The following TYW1B variants were observed in gnomAD, a reference collection of about 807,000 sequenced individuals.
TYW1B encodes the protein tRNA-yW synthesizing protein 1 homolog B.
In TYW1B, 73 loss-of-function variants were observed where a neutral mutation model predicts 86.9. That is an observed-to-expected ratio of 0.84 (90% CI 0.70 to 1.02). The LOEUF (loss-of-function observed/expected upper bound fraction) is 1.02, where lower values mean the gene tolerates loss of function less well. Among genes scored for constraint, TYW1B ranks in the 50% least tolerant of loss-of-function variants. The pLI, the probability that TYW1B is intolerant of heterozygous loss-of-function variation, is 0.00. For missense variants in TYW1B, 637 were observed against 827.4 expected, an observed-to-expected ratio of 0.77 and a Z score of 2.82; for synonymous variants, 248 against 292.8, an observed-to-expected ratio of 0.85 and a Z score of 1.56.
At chr7:72,597,772 AC>A (rs1554432903) in intron 13 of TYW1B, among the ~76,000 whole-genome samples, 1 of 152,196 alleles carries the variant, frequency 6.6e-6, no homozygotes, top group South Asian at 2.1e-4. Flanking sequence ...AATACACATT[AC>A]AAAAAATGAT....
intron 6 of TYW1B, among the ~76,000 whole-genome samples, chr7:72,800,707 CAA>C (rs60686482): frequency 0.56 from 71,181 of 127,674 alleles, 20,465 homozygotes; most frequent in Middle Eastern, 0.67. Context: ...CTCGAAAAGT[CAA>C]AAAAAAAAAA....
chr7:72,761,336 T>G (rs950165215), intron 7 of TYW1B, among the ~76,000 whole-genome samples: 7 of 152,126 alleles, frequency 4.6e-5, no homozygotes, highest in Non-Finnish European at 1.0e-4. Flanking sequence ...AGTTAAAAAT[T>G]CTAATGAATA....
At chr7:72,697,872 T>C (rs1554451774) in intron 10 of TYW1B, 1 of 152,890 alleles carries the variant, frequency 6.5e-6, no homozygotes, top group Non-Finnish European at 1.5e-5. Context: ...AATGTGCTGA[T>C]GAACATAAAA....
chr7:72,697,031 T>TAA lies in TYW1B; in HGVS notation c.1371-2211_1371-2210dup, dbSNP rs781801843. Among the ~76,000 whole-genome samples, 226 of 137,838 alleles carry TAA rather than the reference T, an allele frequency of 1.6e-3. 11 individuals carry two copies. The highest frequency in any genetic ancestry group is 0.013 in the East Asian group (44 of 3,460). 90.4% of individuals were successfully genotyped at this position (137,838 alleles called of 152,430 possible). A position where few individuals can be genotyped will look rare whatever the true frequency, so the allele number is the denominator to read the frequency against. ...ATGCTTCCTTAACTGGATTTCTACT[T>TAA]AAAAAAAAAAAAAAAAAAAAAAAAA... On this transcript the variant is annotated intron_variant, in intron 10 of 13. Coordinates refer to ENST00000620995, the MANE Select transcript of TYW1B (RefSeq NM_001145440.3).
At chr7:72,737,009 C>T (rs1787207738) in intron 8 of TYW1B, among the ~76,000 whole-genome samples, 1 of 152,126 alleles carries the variant, frequency 6.6e-6, no homozygotes, top group African/African-American at 2.4e-5. Flanking sequence ...GCCTGGGTGA[C>T]AGAGCGAGAC....
At chr7:72,769,348 T>C (rs1787828024) in intron 7 of TYW1B, among the ~76,000 whole-genome samples, 1 of 152,208 alleles carries the variant, frequency 6.6e-6, no homozygotes, top group African/African-American at 2.4e-5. Flanking sequence ...CTGTAGACTA[T>C]AAGCTGACAT....
At chr7:72,688,859 GA>G (rs1302344407) in intron 11 of TYW1B, among the ~76,000 whole-genome samples, 1 of 152,152 alleles carries the variant, frequency 6.6e-6, no homozygotes, top group African/African-American at 2.4e-5. Context: ...GGTCTGGAGG[GA>G]ACCAGTTTAC....
chr7:72,810,420 G>A, intron 4 of TYW1B, 51 bp downstream of exon 4: 2 of 1,562,592 alleles, frequency 1.3e-6, no homozygotes, highest in Non-Finnish European at 1.7e-6. Flanking sequence ...GTGTGCGTGT[G>A]TGTGTGTGTT....
intron 13 of TYW1B, among the ~76,000 whole-genome samples, chr7:72,600,463 C>T (rs1811638837): frequency 6.6e-6 from 1 of 151,912 alleles, no homozygotes; most frequent in African/African-American, 2.4e-5. Context: ...TTTAGATACA[C>T]CATCAAAAGT....
intron 7 of TYW1B, among the ~76,000 whole-genome samples, chr7:72,756,973 T>A (rs371645639): frequency 6.6e-6 from 1 of 151,984 alleles, no homozygotes; most frequent in East Asian, 1.9e-4. Flanking sequence ...ATCAAAAAAA[T>A]GAACAATAAC....
intron 8 of TYW1B, among the ~76,000 whole-genome samples, chr7:72,738,021 G>A (rs1403476456): frequency 2.0e-5 from 3 of 151,298 alleles, no homozygotes; most frequent in Non-Finnish European, 4.4e-5. Flanking sequence ...TGATCTGCCC[G>A]CCTCAGCCTC....
intron 11 of TYW1B, among the ~76,000 whole-genome samples, chr7:72,667,206 A>G: frequency 6.6e-6 from 1 of 152,140 alleles, no homozygotes; most frequent in Admixed American, 6.6e-5. Flanking sequence ...CAGCACCAGC[A>G]AGAAGCAAAT....
At chr7:72,716,612 C>T (rs572860614) in intron 9 of TYW1B, among the ~76,000 whole-genome samples, 71 of 148,420 alleles carry the variant, frequency 4.8e-4, no homozygotes, top group African/African-American at 1.7e-3. Context: ...AGCCAGTGAA[C>T]GAGACATAGG....
chr7:72,575,267 T>C lies in TYW1B; in HGVS notation c.*231A>G, dbSNP rs1368449719. The C allele has an allele frequency of 1.9e-5, 26 of 1,361,684 alleles. No individual in the cohort carries two copies. The highest frequency in any genetic ancestry group is 2.5e-5 in the Non-Finnish European group (26 of 1,055,830). 84.4% of individuals were successfully genotyped at this position (1,361,684 alleles called of 1,614,324 possible). On this transcript the variant is annotated 3_prime_UTR_variant, in exon 14 of 14. Transcript: ENST00000620995. ...TTCCTCCCCAAAATAATTTTCCTCT[T>C]AGAAGTAAAATCAGGAAAGGGGCTG...
chr7:72,700,331 C>T (rs565178831), intron 10 of TYW1B, among the ~76,000 whole-genome samples: 23 of 151,898 alleles, frequency 1.5e-4, no homozygotes, highest in Non-Finnish European at 2.8e-4. Flanking sequence ...CCCACCACCA[C>T]GCCCAGCTAA....
At chr7:72,586,339 A>T (rs1554430499) in intron 13 of TYW1B, among the ~76,000 whole-genome samples, 1 of 152,216 alleles carries the variant, frequency 6.6e-6, no homozygotes, top group East Asian at 1.9e-4. Flanking sequence ...GACACAGTTG[A>T]CTGCTACATG....
In TYW1B at chr7:72,727,831, A is replaced by AAGAAG. The variant is rs782674421; in HGVS notation, c.1192+990_1192+991insCTTCT. On this transcript the variant is annotated intron_variant, in intron 9 of 13. Coordinates refer to ENST00000620995, the MANE Select transcript of TYW1B (RefSeq NM_001145440.3). ...CGGTCCAAAAAAAAAAAAAAAAAAA[A>AAGAAG]AAGAAGAAAGACAAAAAAGCATACT... 3.8e-5 allele frequency among the ~76,000 whole-genome samples: 4 copies of AAGAAG among 104,256 alleles called. 1 individual carries two copies. The South Asian group carries it at 9.6e-4, about 25-fold the overall frequency. The allele number at this position is 104,256 out of a possible 152,430, so 68.4% of individuals were successfully genotyped here.
chr7:72,820,230 G>A (rs1199173921), intron 2 of TYW1B, among the ~76,000 whole-genome samples: 10 of 152,086 alleles, frequency 6.6e-5, no homozygotes, highest in African/African-American at 7.2e-5. Context: ...AGCTGAGATC[G>A]CACCACTGCA....
intron 12 of TYW1B, among the ~76,000 whole-genome samples, chr7:72,626,990 G>A (rs1332427813): frequency 1.3e-5 from 2 of 151,780 alleles, no homozygotes; most frequent in African/African-American, 2.4e-5. Context: ...TTGCTTGAAA[G>A]GCCTCATAAA....
Sources: gnomAD v4.1 joint callset for allele counts (sites outside exome capture counted in the v4.1 genomes callset) on GRCh38, gnomAD v4.1.1 for gene constraint, MANE v1.5 for transcripts, NCBI Gene and HGNC (gene_info 2026-07-23, HGNC 2026-07-21) for gene names.